LDLRAD4: variants seen among roughly 807,000 people sequenced by gnomAD.
LDLRAD4 encodes the protein low-density lipoprotein receptor class A domain-containing protein 4.
LDLRAD4 carries 5 observed loss-of-function variants against 17.0 expected under a neutral mutation model. The observed-to-expected ratio is 0.29, with a 90% CI of 0.15 to 0.62. LDLRAD4 has a LOEUF of 0.62. Ranked by LOEUF, LDLRAD4 falls within the 20% of genes least tolerant of loss-of-function variation. The probability of loss-of-function intolerance (pLI) is 0.84; values close to 1 mark genes in which losing one functional copy is unlikely to be tolerated. For missense variants in LDLRAD4, 340 were observed against 424.7 expected (o/e 0.80, Z 1.75); for synonymous variants, 168 against 171.8 (o/e 0.98, Z 0.17).
intron 1 of LDLRAD4, among the ~76,000 whole-genome samples, chr18:13,292,129 C>G (rs113652238): frequency 6.6e-6 from 1 of 152,108 alleles, no homozygotes; most frequent in African/African-American, 2.4e-5. Flanking sequence ...AGGAGCTTGC[C>G]GGCTGTCTGG....
intron 3 of LDLRAD4, among the ~76,000 whole-genome samples, chr18:13,458,014 C>T (rs1200125392): frequency 1.3e-5 from 2 of 152,150 alleles, no homozygotes; most frequent in Admixed American, 6.5e-5. Flanking sequence ...GTCATTCATA[C>T]GTGTTCTCAT....
exon 6 of LDLRAD4, chr18:13,650,187 G>A (rs897363922): frequency 2.8e-5 from 11 of 399,566 alleles, no homozygotes; most frequent in African/African-American, 1.4e-4. Flanking sequence ...TTTATTACCC[G>A]GCACGCTGTG....
chr18:13,643,394 G>T (rs376924190), exon 5 of LDLRAD4: 1 of 1,339,812 alleles, frequency 7.5e-7, no homozygotes. Context: ...GCGCCGCACC[G>T]CGGCTGGGCG....
intron 2 of LDLRAD4, among the ~76,000 whole-genome samples, chr18:13,391,686 A>AAG (rs2086285813): frequency 6.6e-6 from 1 of 152,220 alleles, no homozygotes; most frequent in African/African-American, 2.4e-5. Context: ...TCAAAAGAAA[A>AAG]ATAATTTCCT....
intron 1 of LDLRAD4, among the ~76,000 whole-genome samples, chr18:13,248,656 A>G (rs891144649): frequency 6.6e-6 from 1 of 152,236 alleles, no homozygotes. Context: ...TAATAATTAC[A>G]TATTTATGGG....
intron 1 of LDLRAD4, among the ~76,000 whole-genome samples, chr18:13,348,309 AG>A (rs1306615107): frequency 1.3e-5 from 2 of 152,164 alleles, no homozygotes; most frequent in African/African-American, 4.8e-5. Flanking sequence ...CCTCAGCTGC[AG>A]GTCTTTTGGA....
intron 1 of LDLRAD4, among the ~76,000 whole-genome samples, chr18:13,317,251 C>T (rs193115230): frequency 4.1e-4 from 62 of 152,240 alleles, no homozygotes; most frequent in African/African-American, 1.4e-3. Flanking sequence ...AAAGATATTT[C>T]TTAAATTGCC....
chr18:13,516,202 A>G (rs903004425), intron 3 of LDLRAD4: 12 of 152,206 alleles, frequency 7.9e-5, no homozygotes, highest in African/African-American at 2.4e-4. Context: ...TTTTATTTAC[A>G]TATCCCCCTC....
intron 1 of LDLRAD4, among the ~76,000 whole-genome samples, chr18:13,319,291 G>A (rs891591046): frequency 6.6e-6 from 1 of 152,182 alleles, no homozygotes; most frequent in Non-Finnish European, 1.5e-5. Context: ...CCCAGTTCAC[G>A]GGCGAGTAAC....
exon 2 of LDLRAD4, chr18:13,387,573 C>A (rs576947318): frequency 7.1e-6 from 5 of 705,638 alleles, no homozygotes; most frequent in Admixed American, 2.1e-5. Flanking sequence ...GCGCGAGAGC[C>A]GGGCAGGTGG....
At chr18:13,410,231 A>C (rs945526672) in intron 2 of LDLRAD4, among the ~76,000 whole-genome samples, 1 of 151,532 alleles carries the variant, frequency 6.6e-6, no homozygotes, top group Non-Finnish European at 1.5e-5. Context: ...CCTAGATGGG[A>C]TCCTGATGGG....
At chr18:13,463,120 G>C (rs1425720647) in intron 3 of LDLRAD4, among the ~76,000 whole-genome samples, 1 of 152,174 alleles carries the variant, frequency 6.6e-6, no homozygotes, top group African/African-American at 2.4e-5. Flanking sequence ...TGCCACACCG[G>C]GTTTCTAGAA....
At chr18:13,338,996 A>T (rs1487722907) in intron 1 of LDLRAD4, among the ~76,000 whole-genome samples, 1 of 152,192 alleles carries the variant, frequency 6.6e-6, no homozygotes, top group South Asian at 2.1e-4. Context: ...GTTTATGCTT[A>T]ATTTATATCT....
intron 4 of LDLRAD4, among the ~76,000 whole-genome samples, chr18:13,630,048 G>A (rs1488540638): frequency 6.6e-6 from 1 of 152,008 alleles, no homozygotes; most frequent in Admixed American, 6.5e-5. Flanking sequence ...TCATTCCCAG[G>A]CTGATTCCTC....
chr18:13,474,650 G>A (rs1036164781), intron 3 of LDLRAD4, among the ~76,000 whole-genome samples: 3 of 152,248 alleles, frequency 2.0e-5, no homozygotes, highest in African/African-American at 7.2e-5. Context: ...TGCCTGGCCA[G>A]AGGGAGAGGG....
chr18:13,249,984 A>G (rs965936234), intron 1 of LDLRAD4, among the ~76,000 whole-genome samples: 2 of 152,154 alleles, frequency 1.3e-5, no homozygotes, highest in Non-Finnish European at 2.9e-5. Flanking sequence ...TTTTCCCAGC[A>G]TTATTTATTT....
chr18:13,641,859 A>G (rs1394897484), intron 4 of LDLRAD4: 4 of 985,286 alleles, frequency 4.1e-6, no homozygotes, highest in Non-Finnish European at 4.8e-6. Flanking sequence ...GACAGTCACT[A>G]CGTTTTCAGG....
intron 3 of LDLRAD4, among the ~76,000 whole-genome samples, chr18:13,510,409 A>T (rs1175395445): frequency 6.6e-6 from 1 of 152,158 alleles, no homozygotes; most frequent in Non-Finnish European, 1.5e-5. Flanking sequence ...AGTCTCTTCT[A>T]GCTCTAAAAC....
chr18:13,481,329 T>G (rs1411368340), intron 3 of LDLRAD4, among the ~76,000 whole-genome samples: 3 of 152,162 alleles, frequency 2.0e-5, no homozygotes, highest in Admixed American at 1.3e-4. Flanking sequence ...GTGCCTCAGC[T>G]CTCACCTTGA....
Sources: allele counts gnomAD v4.1 joint callset (sites outside exome capture counted in the v4.1 genomes callset), GRCh38; gene constraint gnomAD v4.1.1; transcripts MANE v1.5; gene names NCBI Gene and HGNC (gene_info 2026-07-23, HGNC 2026-07-21).